ANO6: variants seen among roughly 807,000 people sequenced by gnomAD.
The protein encoded by ANO6 is anoctamin-6.
A neutral mutation model predicts 117.5 loss-of-function variants in ANO6; 106 were observed. The ratio of observed to expected loss-of-function variants is 0.90; its 90% confidence interval spans 0.77 to 1.06. ANO6 has a LOEUF of 1.06. Among genes scored for constraint, ANO6 ranks in the 50% least tolerant of loss-of-function variants. The probability of loss-of-function intolerance (pLI) is 0.00; values close to 1 mark genes in which losing one functional copy is unlikely to be tolerated. For synonymous variants in ANO6, 367 were observed against 385.1 expected (o/e 0.95, Z 0.55); for missense variants, 955 against 1,121.1 (o/e 0.85, Z 2.12).
intron 1 of ANO6, among the ~76,000 whole-genome samples, chr12:45,286,964 A>G (rs140393198): frequency 6.6e-6 from 1 of 152,318 alleles, no homozygotes; most frequent in East Asian, 1.9e-4. Context: ...TATATTAGTT[A>G]TGCATTCATT....
intron 1 of ANO6, among the ~76,000 whole-genome samples, chr12:45,278,937 C>G (rs899454044): frequency 6.6e-6 from 1 of 152,126 alleles, no homozygotes; most frequent in African/African-American, 2.4e-5. Context: ...TTAATCAGAC[C>G]AAGAGAAAAT....
At chr12:45,352,568 A>C (rs1479540198) in intron 7 of ANO6, among the ~76,000 whole-genome samples, 1 of 150,444 alleles carries the variant, frequency 6.6e-6, no homozygotes, top group Non-Finnish European at 1.5e-5. Flanking sequence ...CTTAAAAAAA[A>C]AAAAAAAAAA....
chr12:45,335,896 T>G (rs1940809821), intron 3 of ANO6, among the ~76,000 whole-genome samples: 1 of 152,046 alleles, frequency 6.6e-6, no homozygotes, highest in Admixed American at 6.6e-5. Flanking sequence ...TTTAGTAGTT[T>G]CTAATACTAT....
rs1328095790 is a variant in ANO6, at chr12:45,216,388, A to T, written c.67A>T (p.Ile23Phe). The change falls in exon 1 of 20, where the codon ATC (isoleucine) becomes TTC (phenylalanine). Residue 23 changes from isoleucine (I) to phenylalanine (F), a missense_variant. By Grantham distance (21) the Ile-to-Phe change is conservative. Transcript: ENST00000320560. ...GGAGGAGGACGACGACGATGGGGATATCGGTGAGCGAGGGGTCCCCGCGTC... is the reference window on the plus strand; with the variant it reads ...GGAGGAGGACGACGACGATGGGGATTTCGGTGAGCGAGGGGTCCCCGCGTC... ...EEEEDDDDGD[I>F]VLENLGQTIV... The T allele has an allele frequency of 1.2e-6, 2 of 1,611,996 alleles. No homozygotes were observed. Among genetic ancestry groups the T allele is most frequent in the Non-Finnish European group, 8.5e-7 (1 of 1,179,160 alleles).
chr12:45,226,265 G>T (rs555424298), intron 1 of ANO6, among the ~76,000 whole-genome samples: 46 of 152,266 alleles, frequency 3.0e-4, no homozygotes, highest in African/African-American at 1.0e-3. Flanking sequence ...CTAATTGAAA[G>T]ATCTTGCTGC....
At position 45,431,822 on chromosome 12, in the gene ANO6, C is replaced by CCA. The variant is rs1943639602; in HGVS notation, c.*2512_*2513dup. The CCA allele has an allele frequency of 1.0e-6, 1 of 985,308 alleles. No homozygotes were observed. Among genetic ancestry groups the CCA allele is most frequent in the Admixed American group, 6.1e-5 (1 of 16,266 alleles). 61.0% of individuals were successfully genotyped at this position (985,308 alleles called of 1,614,324 possible). ...AGGGAGAATCTAGCCTTCAGCCTGT[C>CCA]CAGTGTTAACCACTAGAGAAACTGA... On this transcript the variant is annotated 3_prime_UTR_variant, in exon 20 of 20. Coordinates refer to ENST00000320560, the MANE Select transcript of ANO6 (RefSeq NM_001025356.3).
intron 1 of ANO6, among the ~76,000 whole-genome samples, chr12:45,286,104 C>T (rs565405184): frequency 2.6e-5 from 4 of 152,346 alleles, no homozygotes; most frequent in African/African-American, 7.2e-5. Context: ...TAGAGTTGCA[C>T]TTGACTCCTT....
rs1238222065 is a variant in ANO6 at position 45,238,220 on chromosome 12, G to A, written c.70+21829G>A. On this transcript the variant is annotated intron_variant, in intron 1 of 19. Coordinates refer to ENST00000320560, the MANE Select transcript of ANO6 (RefSeq NM_001025356.3). ...GGCTGGAGTGCAGTGGCAGGATCTC[G>A]GCTCACTGCAAGCTCTGCCTCCCGG... 1.9e-4 allele frequency among the ~76,000 whole-genome samples: 28 copies of A among 147,586 alleles called. No individual in the cohort carries two copies. The South Asian group carries it at 4.1e-3, about 21-fold the overall frequency.
In ANO6 at chr12:45,302,024, C is replaced by G. The variant is rs1004611294; in HGVS notation, c.81C>G (p.Asn27Lys). 1.9e-6 allele frequency: 3 copies of G among 1,613,894 alleles called. No individual in the cohort carries two copies. The highest frequency in any genetic ancestry group is 2.5e-6 in the Non-Finnish European group (3 of 1,179,864). The change falls in exon 2 of 20, where the codon AAC becomes AAG. Residue 27 changes from asparagine to lysine, a missense_variant. Asn to Lys is a moderately conservative substitution (Grantham distance 94). Coordinates refer to ENST00000320560, the MANE Select transcript of ANO6 (RefSeq NM_001025356.3). ...DDDDGDIVLE[N>K]LGQTIVPDLG... ...TTCATTCGTTTTTAGTGTTGGAAAA[C>G]CTTGGACAGACAATTGTCCCCGATT...
At position 45,388,279 on chromosome 12, in the gene ANO6, C is replaced by T. The variant is rs143360396; in HGVS notation, c.1284C>T (p.His428=). Residue 428 remains histidine (H), a synonymous_variant, in exon 11 of 20, where the codon CAC becomes CAT. Transcript: ENST00000320560. ...CAGAATACGAAGCACGATGTACTCA[C>T]GTAGTGATAAATGAGATTACTCAGG... is the stretch of plus-strand genomic sequence containing the variant. ...ARPEYEARCT[H]VVINEITQEE... The T allele has an allele frequency of 9.3e-6, 15 of 1,614,002 alleles. 1 individual carries two copies. Among genetic ancestry groups the T allele is most frequent in the Middle Eastern group, 1.7e-4 (1 of 6,060 alleles).
chr12:45,394,618 A>G lies in ANO6; in HGVS notation c.1386+4120A>G, dbSNP rs557016787. Among the ~76,000 whole-genome samples, 24 of 152,376 alleles carry G rather than the reference A, an allele frequency of 1.6e-4. No individual in the cohort carries two copies. The South Asian group carries it at 5.0e-3, about 32-fold the overall frequency. ...AGTAAAGCACTCCTCAGCAAATGTG[A>G]AAGAACAGAAATCACAACAAACTGT... On this transcript the variant is annotated intron_variant, in intron 12 of 19. Coordinates refer to ENST00000320560, the MANE Select transcript of ANO6 (RefSeq NM_001025356.3).
chr12:45,234,029 C>G (rs1947611656), intron 1 of ANO6, among the ~76,000 whole-genome samples: 2 of 152,226 alleles, frequency 1.3e-5, no homozygotes, highest in Non-Finnish European at 2.9e-5. Flanking sequence ...AGGTAGCAGA[C>G]TAACAATCCT....
In ANO6 at chr12:45,309,352, G is replaced by T. The variant is rs1192838334; in HGVS notation, c.150+7259G>T. Among the ~76,000 whole-genome samples, 5 of 152,166 alleles carry T rather than the reference G, an allele frequency of 3.3e-5. No individual in the cohort carries two copies. In the East Asian group the frequency reaches 7.8e-4, roughly 24 times the overall value. The stretch of plus-strand genomic sequence containing the variant: ...AATTATAGACTTTAGGAAGCTTTGG[G>T]GTTGTATTCTATTCACATGGACCTG... On this transcript the variant is annotated intron_variant, in intron 2 of 19. Coordinates refer to ENST00000320560, the MANE Select transcript of ANO6 (RefSeq NM_001025356.3).
chr12:45,333,392 A>G (rs538642148), intron 3 of ANO6, among the ~76,000 whole-genome samples: 65 of 152,174 alleles, frequency 4.3e-4, no homozygotes, highest in Non-Finnish European at 8.1e-4. Context: ...TTAAGTATCC[A>G]TATGCCAATG....
intron 3 of ANO6, among the ~76,000 whole-genome samples, chr12:45,332,035 A>C (rs1316064231): frequency 6.6e-6 from 1 of 152,048 alleles, no homozygotes; most frequent in African/African-American, 2.4e-5. Flanking sequence ...ATTGCCAGTC[A>C]AGCTGCTCTC....
chr12:45,302,136 A>G, intron 2 of ANO6, 43 bp downstream of exon 2: 1 of 1,576,652 alleles, frequency 6.3e-7, no homozygotes, highest in Non-Finnish European at 8.7e-7. Context: ...TCTTAAGCTA[A>G]GAGATTTTTC....
chr12:45,420,049 A>AT (rs766472203), intron 17 of ANO6, among the ~76,000 whole-genome samples: 6 of 151,752 alleles, frequency 4.0e-5, no homozygotes, highest in African/African-American at 7.3e-5. Context: ...CAACCCCAAT[A>AT]TAATTCTACT....
chr12:45,369,154 A>G (rs1941760174), intron 9 of ANO6, among the ~76,000 whole-genome samples: 1 of 152,226 alleles, frequency 6.6e-6, no homozygotes. Flanking sequence ...TAATTTAGAA[A>G]TTAAGCCCCC....
At chr12:45,304,526 G>A (rs1042066913) in intron 2 of ANO6, among the ~76,000 whole-genome samples, 2 of 152,110 alleles carry the variant, frequency 1.3e-5, no homozygotes, top group Non-Finnish European at 2.9e-5. Context: ...ATTTTGGAAG[G>A]TCCAACTGCA....
Sources: allele counts gnomAD v4.1 joint callset (sites outside exome capture counted in the v4.1 genomes callset), GRCh38; gene constraint gnomAD v4.1.1; transcripts MANE v1.5; gene names NCBI Gene and HGNC (gene_info 2026-07-23, HGNC 2026-07-21).